CNTNAP4: variants seen among roughly 807,000 people sequenced by gnomAD.
The protein encoded by CNTNAP4 is contactin associated protein family member 4.
A neutral mutation model predicts 148.4 loss-of-function variants in CNTNAP4; 98 were observed. The ratio of observed to expected loss-of-function variants is 0.66; its 90% CI spans 0.56 to 0.78. The LOEUF (loss-of-function observed/expected upper bound fraction) is 0.78, where lower values mean the gene tolerates loss of function less well. Among genes scored for constraint, CNTNAP4 ranks in the 30% least tolerant of loss-of-function variants. CNTNAP4 has a pLI of 0.00. For synonymous variants in CNTNAP4, 730 were observed against 565.1 expected, an observed-to-expected ratio of 1.29 and a Z score of -4.14; for missense variants, 1,935 against 1,565.6, an observed-to-expected ratio of 1.24 and a Z score of -3.98.
At chr16:76,471,509 C>T (rs1049933379) in intron 10 of CNTNAP4, among the ~76,000 whole-genome samples, 26 of 152,110 alleles carry the variant, frequency 1.7e-4, no homozygotes, top group Non-Finnish European at 5.9e-5. Context: ...GCCTCTGCAC[C>T]TCCGTCACCT....
chr16:76,283,097 A>T (rs982030496), intron 1 of CNTNAP4, among the ~76,000 whole-genome samples: 1 of 151,986 alleles, frequency 6.6e-6, no homozygotes, highest in African/African-American at 2.4e-5. Context: ...ATTCGTGATC[A>T]TCCACTGTAA....
At chr16:76,317,270 A>G (rs1314484391) in intron 2 of CNTNAP4, among the ~76,000 whole-genome samples, 1 of 104,636 alleles carries the variant, frequency 9.6e-6, no homozygotes. Flanking sequence ...AAAAACAAAA[A>G]AAAAAACCAA....
chr16:76,380,504 A>AT (rs754216784), intron 3 of CNTNAP4, among the ~76,000 whole-genome samples: 6 of 151,844 alleles, frequency 4.0e-5, no homozygotes, highest in East Asian at 3.9e-4. Context: ...TGTATTCTCT[A>AT]TTTTTTTTCT....
chr16:76,472,770 A>G (rs957226545), intron 10 of CNTNAP4, among the ~76,000 whole-genome samples: 5 of 152,184 alleles, frequency 3.3e-5, no homozygotes, highest in Non-Finnish European at 5.9e-5. Context: ...CATAGACACA[A>G]AAAGGGGAAC....
chr16:76,353,692 C>T (rs2012167405), intron 2 of CNTNAP4, among the ~76,000 whole-genome samples: 1 of 152,102 alleles, frequency 6.6e-6, no homozygotes, highest in Non-Finnish European at 1.5e-5. Flanking sequence ...CCTACAGCTC[C>T]AGTTTACCCT....
At chr16:76,534,700 C>T (rs2084139858) in intron 17 of CNTNAP4, among the ~76,000 whole-genome samples, 1 of 152,042 alleles carries the variant, frequency 6.6e-6, no homozygotes, top group Non-Finnish European at 1.5e-5. Context: ...ATTTTTGGAC[C>T]ACAGAACCAG....
intron 4 of CNTNAP4, among the ~76,000 whole-genome samples, chr16:76,438,300 C>G (rs555173020): frequency 3.9e-5 from 6 of 151,994 alleles, no homozygotes; most frequent in African/African-American, 1.4e-4. Flanking sequence ...AGAGAAAGCA[C>G]GAGAAAGAGG....
chr16:76,461,970 G>C lies in CNTNAP4; in HGVS notation c.1348G>C (p.Asp450His). 1.2e-6 allele frequency: 2 copies of C among 1,613,764 alleles called. No homozygotes were observed. The change falls in exon 9 of 24, where the codon GAT (aspartate) becomes CAT (histidine). Residue 450 changes from aspartate (D) to histidine (H), a missense_variant. By Grantham distance (81) the Asp-to-His change is moderately conservative. Coordinates refer to ENST00000611870, the MANE Select transcript of CNTNAP4 (RefSeq NM_033401.5). ...CATCTCCCTAGGTGTCGAATTAAATGATGGGCAGTGGCATTCTGTCTCTTT... is the reference window on the plus strand; with the variant it reads ...CATCTCCCTAGGTGTCGAATTAAATCATGGGCAGTGGCATTCTGTCTCTTT... Reference protein sequence around the residue: ...SDITAGVELNDGQWHSVSLSA... With the variant: ...SDITAGVELNHGQWHSVSLSA...
At chr16:76,466,562 G>A (rs1278054083) in intron 9 of CNTNAP4, among the ~76,000 whole-genome samples, 2 of 151,938 alleles carry the variant, frequency 1.3e-5, no homozygotes, top group African/African-American at 2.4e-5. Flanking sequence ...TTGAAAAAAT[G>A]TAATATATGT....
chr16:76,292,538 C>G (rs113911045), intron 1 of CNTNAP4, among the ~76,000 whole-genome samples: 7,967 of 152,226 alleles, frequency 0.052, 485 homozygotes, highest in East Asian at 0.19. Context: ...CTCTGATAGG[C>G]TGCTGCAAAT....
chr16:76,417,533 A>T (rs2079032506), intron 3 of CNTNAP4, among the ~76,000 whole-genome samples: 1 of 151,648 alleles, frequency 6.6e-6, no homozygotes, highest in Non-Finnish European at 1.5e-5. Flanking sequence ...TGAATGTAAT[A>T]TTAATTTGCA....
intron 2 of CNTNAP4, among the ~76,000 whole-genome samples, chr16:76,351,363 C>CAA (rs56676992): frequency 2.8e-5 from 4 of 140,742 alleles, no homozygotes; most frequent in African/African-American, 1.0e-4. Flanking sequence ...TAGGCTGGCC[C>CAA]AAAAAAAAAA....
chr16:76,355,505 C>A lies in CNTNAP4; in HGVS notation c.384C>A (p.Ser128Arg). 1 of 1,603,502 alleles carries A rather than the reference C, an allele frequency of 6.2e-7. No individual in the cohort carries two copies. Among genetic ancestry groups the A allele is most frequent in the Non-Finnish European group, 8.5e-7 (1 of 1,175,052 alleles). ...GGAAACAATATCGCCAAGAGGACAG[C>A]ATCTGGGTATGTTCTTTAACAAAAG... ...WNWKQYRQEDSIWGFSGNANA... is the reference protein window; with the variant it reads ...WNWKQYRQEDRIWGFSGNANA... The change falls in exon 3 of 24, where the codon AGC becomes AGA. Residue 128 changes from serine (S) to arginine (R), a missense_variant. Ser to Arg is a moderately radical substitution (Grantham distance 110). Coordinates refer to ENST00000611870, the MANE Select transcript of CNTNAP4 (RefSeq NM_033401.5).
In CNTNAP4 at chr16:76,538,233, G is replaced by A. The variant is rs1244482267; in HGVS notation, c.3113G>A (p.Ser1038Asn). 1.9e-6 allele frequency: 3 copies of A among 1,611,632 alleles called. No homozygotes were observed. The highest frequency in any genetic ancestry group is 1.7e-5 in the Admixed American group (1 of 59,306). The change falls in exon 19 of 24, where the codon AGC becomes AAC. Residue 1038 changes from serine to asparagine, a missense_variant. Ser to Asn is a conservative substitution (Grantham distance 46). Transcript: ENST00000611870. Reference protein sequence around the residue: ...AASFHGDMKLSREMIKFSFRT... With the variant: ...AASFHGDMKLNREMIKFSFRT... Reference sequence around the variant, plus strand: ...TCATTTCATGGTGATATGAAGCTGAGCAGAGAAATGATCAAATTTAGTTTC... The same window carrying A: ...TCATTTCATGGTGATATGAAGCTGAACAGAGAAATGATCAAATTTAGTTTC...
intron 3 of CNTNAP4, among the ~76,000 whole-genome samples, chr16:76,378,140 A>G (rs1458972759): frequency 1.3e-5 from 2 of 152,138 alleles, no homozygotes; most frequent in Non-Finnish European, 2.9e-5. Flanking sequence ...AAGAGGGAGG[A>G]TGGGAGAGGG....
At chr16:76,315,431 A>G (rs1215923959) in intron 1 of CNTNAP4, among the ~76,000 whole-genome samples, 1 of 152,234 alleles carries the variant, frequency 6.6e-6, no homozygotes, top group Non-Finnish European at 1.5e-5. Flanking sequence ...AGTTGTTTTT[A>G]TAAAAGTAGT....
At chr16:76,547,378 A>G (rs915118215) in intron 21 of CNTNAP4, among the ~76,000 whole-genome samples, 1 of 152,218 alleles carries the variant, frequency 6.6e-6, no homozygotes, top group Non-Finnish European at 1.5e-5. Flanking sequence ...GTAATTTAAC[A>G]CACAGTAAAA....
Position 76,533,985 on chromosome 16 carries a change from G to A in CNTNAP4, c.2756-1560G>A, listed in dbSNP as rs149316401. 1.5e-4 allele frequency among the ~76,000 whole-genome samples: 23 copies of A among 152,296 alleles called. No individual in the cohort carries two copies. The East Asian group carries it at 3.1e-3, about 20-fold the overall frequency. ...AATCTGAATTCTGAATAGTGTTAGT[G>A]TCCGTAAGTCCAGAATTCTCAGGAA... On this transcript the variant is annotated intron_variant, in intron 17 of 23. Transcript: ENST00000611870.
intron 3 of CNTNAP4, among the ~76,000 whole-genome samples, chr16:76,382,675 T>C (rs1331874573): frequency 6.6e-6 from 1 of 152,172 alleles, no homozygotes; most frequent in Non-Finnish European, 1.5e-5. Context: ...GTTTGGTTTA[T>C]CAAAAAACCA....
Sources: allele counts gnomAD v4.1 joint callset (sites outside exome capture counted in the v4.1 genomes callset), GRCh38; gene constraint gnomAD v4.1.1; transcripts MANE v1.5; gene names NCBI Gene and HGNC (gene_info 2026-07-23, HGNC 2026-07-21).